TAFA5: variants seen among roughly 807,000 people sequenced by gnomAD.
TAFA5 encodes the protein TAFA chemokine like family member 5, also known as chemokine-like protein TAFA-5.
A neutral mutation model predicts 15.3 loss-of-function variants in TAFA5; 6 were observed. The observed-to-expected ratio is 0.39, with a 90% CI of 0.21 to 0.77. TAFA5 has a LOEUF of 0.77. TAFA5 is among the 30% of genes least tolerant of loss of function. TAFA5 has a pLI of 0.41. For synonymous variants in TAFA5, 103 were observed against 80.7 expected, an observed-to-expected ratio of 1.28 and a Z score of -1.48; for missense variants, 161 against 193.1, an observed-to-expected ratio of 0.83 and a Z score of 0.98.
intron 1 of TAFA5, among the ~76,000 whole-genome samples, chr22:48,641,470 A>T (rs1926673117): frequency 6.6e-6 from 1 of 151,968 alleles, no homozygotes; most frequent in Non-Finnish European, 1.5e-5. Context: ...CTGCCTTTCT[A>T]AGAAAACTCC....
intron 1 of TAFA5, among the ~76,000 whole-genome samples, chr22:48,633,534 C>CTG (rs1926319614): frequency 1.6e-5 from 2 of 123,908 alleles, no homozygotes; most frequent in East Asian, 3.0e-4. Context: ...GTCTGTCTGT[C>CTG]TCTCCCTCTC....
chr22:48,719,933 CAA>C (rs1428822936), intron 3 of TAFA5, among the ~76,000 whole-genome samples: 1 of 152,150 alleles, frequency 6.6e-6, no homozygotes, highest in South Asian at 2.1e-4. Flanking sequence ...TTGGTTTGAC[CAA>C]ACCCACATTA....
chr22:48,739,879 G>A (rs1041688897), intron 3 of TAFA5, among the ~76,000 whole-genome samples: 4 of 152,144 alleles, frequency 2.6e-5, no homozygotes, highest in African/African-American at 7.2e-5. Flanking sequence ...CGCGAGGCAC[G>A]ATTACTCCAT....
intron 1 of TAFA5, among the ~76,000 whole-genome samples, chr22:48,624,037 A>C (rs1383801748): frequency 6.6e-6 from 1 of 152,174 alleles, no homozygotes. Flanking sequence ...CCAGGATCCC[A>C]CGTGGTATTA....
At chr22:48,510,933 A>G (rs951364958) in intron 1 of TAFA5, among the ~76,000 whole-genome samples, 1 of 152,220 alleles carries the variant, frequency 6.6e-6, no homozygotes, top group Non-Finnish European at 1.5e-5. Flanking sequence ...GCAAAAGTCC[A>G]TCTTTGGAAG....
intron 1 of TAFA5, among the ~76,000 whole-genome samples, chr22:48,599,330 C>G (rs567171213): frequency 1.3e-5 from 2 of 152,352 alleles, no homozygotes; most frequent in East Asian, 3.9e-4. Flanking sequence ...ACGCAGAAGA[C>G]ACTTTCCACT....
chr22:48,692,287 G>C (rs1279459397), intron 2 of TAFA5, among the ~76,000 whole-genome samples: 1 of 152,182 alleles, frequency 6.6e-6, no homozygotes, highest in Non-Finnish European at 1.5e-5. Flanking sequence ...GAGAGTCAGG[G>C]GTCCGCTGCA....
intron 2 of TAFA5, among the ~76,000 whole-genome samples, chr22:48,665,866 C>T (rs1927591253): frequency 6.6e-6 from 1 of 152,076 alleles, no homozygotes; most frequent in Non-Finnish European, 1.5e-5. Context: ...TTTCCTTTTC[C>T]CTGGGCCGCC....
chr22:48,738,037 C>T (rs1039787980), intron 3 of TAFA5, among the ~76,000 whole-genome samples: 3 of 152,108 alleles, frequency 2.0e-5, no homozygotes, highest in Non-Finnish European at 4.4e-5. Context: ...CCTGGGTCCT[C>T]TCATTTAGAA....
chr22:48,495,767 TC>T (rs1365206088), intron 1 of TAFA5, among the ~76,000 whole-genome samples: 1 of 152,028 alleles, frequency 6.6e-6, no homozygotes, highest in Non-Finnish European at 1.5e-5. Context: ...AACCATAACT[TC>T]CCTTGGAAGA....
chr22:48,721,021 C>T (rs145232602), intron 3 of TAFA5, among the ~76,000 whole-genome samples: 132 of 152,316 alleles, frequency 8.7e-4, no homozygotes, highest in Middle Eastern at 3.4e-3. Flanking sequence ...CTCCTGAGGG[C>T]GCTAAGGCCA....
chr22:48,673,063 C>T (rs546772808), intron 2 of TAFA5, among the ~76,000 whole-genome samples: 1 of 152,306 alleles, frequency 6.6e-6, no homozygotes, highest in East Asian at 1.9e-4. Flanking sequence ...CTCCAAATCT[C>T]CAGCTTCTTC....
In TAFA5 at chr22:48,560,251, C is replaced by T. The variant is rs549389821; in HGVS notation, c.112+70547C>T. 2.0e-5 allele frequency among the ~76,000 whole-genome samples: 3 copies of T among 152,238 alleles called. No individual in the cohort carries two copies. The highest frequency in any genetic ancestry group is 2.9e-5 in the Non-Finnish European group (2 of 68,038). On this transcript the variant is annotated intron_variant, in intron 1 of 3. Coordinates refer to ENST00000402357, the MANE Select transcript of TAFA5 (RefSeq NM_001082967.3). This position sits in a 1 kb window ranked among gnomAD's most constrained non-coding sequence, Gnocchi z 4.2. ...GGCTGAGGCGTCTGTCCCTGTCGTG[C>T]GCCCAGGCTGGTGCCGTCAGGCTCC... is the stretch of plus-strand genomic sequence containing the variant.
chr22:48,587,028 A>T (rs968237617), intron 1 of TAFA5, among the ~76,000 whole-genome samples: 2 of 152,042 alleles, frequency 1.3e-5, no homozygotes, highest in African/African-American at 4.8e-5. Flanking sequence ...AGGGTGCAGG[A>T]GCCAGGCCCG....
intron 1 of TAFA5, among the ~76,000 whole-genome samples, chr22:48,641,341 G>C (rs1926668773): frequency 6.6e-6 from 1 of 152,178 alleles, no homozygotes; most frequent in Admixed American, 6.5e-5. Context: ...CAGCCCGACA[G>C]AAAGTCAAAT....
chr22:48,581,247 C>T (rs1174787573), intron 1 of TAFA5, among the ~76,000 whole-genome samples: 1 of 152,214 alleles, frequency 6.6e-6, no homozygotes, highest in Non-Finnish European at 1.5e-5. Flanking sequence ...CACAGCCTTG[C>T]TGGGCACAGG....
intron 2 of TAFA5, among the ~76,000 whole-genome samples, chr22:48,648,401 C>T (rs1926940249): frequency 6.6e-6 from 1 of 152,176 alleles, no homozygotes; most frequent in African/African-American, 2.4e-5. Context: ...TGCCCGTGTG[C>T]TGTGATTGAG....
At position 48,552,372 on chromosome 22, in the gene TAFA5, CA is replaced by C. The variant is rs1012826434; in HGVS notation, c.112+62669del. Among the ~76,000 whole-genome samples, 3 of 152,140 alleles carry C rather than the reference CA, an allele frequency of 2.0e-5. No individual in the cohort carries two copies. Among genetic ancestry groups the C allele is most frequent in the African/African-American group, 7.2e-5 (3 of 41,428 alleles). ...GGCTGAAGCCCTCAGGAAACCTTCT[CA>C]GGGGGTCCCGTTTAGGAAACAAATC... is the stretch of plus-strand genomic sequence containing the variant. On this transcript the variant is annotated intron_variant, in intron 1 of 3. Transcript: ENST00000402357. This position sits in a 1 kb window ranked among gnomAD's most constrained non-coding sequence, Gnocchi z 4.1.
intron 1 of TAFA5, among the ~76,000 whole-genome samples, chr22:48,625,499 C>T (rs750232239): frequency 1.3e-5 from 2 of 152,214 alleles, no homozygotes; most frequent in African/African-American, 2.4e-5. Flanking sequence ...GTCTGTCCTA[C>T]GGGAAGCACC....
Sources: gnomAD v4.1 joint callset for allele counts (sites outside exome capture counted in the v4.1 genomes callset) on GRCh38, gnomAD v4.1.1 for gene constraint, Gnocchi (gnomAD v3.1) non-coding constraint, MANE v1.5 for transcripts, NCBI Gene and HGNC (gene_info 2026-07-23, HGNC 2026-07-21) for gene names.